FLVCR2: variants seen among roughly 807,000 people sequenced by gnomAD.
The protein encoded by FLVCR2 is choline/ethanolamine transporter FLVCR2.
A neutral mutation model predicts 48.9 loss-of-function variants in FLVCR2; 38 were observed. The ratio of observed to expected loss-of-function variants is 0.78; its 90% confidence interval spans 0.60 to 1.02. The LOEUF (loss-of-function observed/expected upper bound fraction) is 1.02. Ranked by LOEUF, FLVCR2 falls within the 50% of genes least tolerant of loss-of-function variation. FLVCR2 has a pLI of 0.00. For synonymous variants in FLVCR2, 255 were observed against 257.0 expected (o/e 0.99, Z 0.07); for missense variants, 664 against 663.3 (o/e 1.00, Z -0.01).
At chr14:75,629,449 A>G (rs1021134653) in intron 3 of FLVCR2, among the ~76,000 whole-genome samples, 6 of 152,170 alleles carry the variant, frequency 3.9e-5, no homozygotes, top group African/African-American at 1.2e-4. Context: ...TAACTTTGGC[A>G]ATGTGGGAAG....
chr14:75,622,228 C>T lies in FLVCR2; in HGVS notation c.811+8C>T, dbSNP rs1400736248. 1 of 1,613,692 alleles carries T rather than the reference C, an allele frequency of 6.2e-7. No individual in the cohort carries two copies. The highest frequency in any genetic ancestry group is 8.5e-7 in the Non-Finnish European group (1 of 1,179,648). On this transcript the variant is annotated splice_region_variant and intron_variant, in intron 2 of 9. Transcript: ENST00000238667. ...TCATCCTTGTCATCATTGGTAAGGT[C>T]ATTAGTAAACAGATGGGGTAGCAGG...
chr14:75,621,243 T>G (rs1362172343), intron 1 of FLVCR2, among the ~76,000 whole-genome samples: 1 of 151,958 alleles, frequency 6.6e-6, no homozygotes, highest in Non-Finnish European at 1.5e-5. Context: ...GAAACCCGTC[T>G]CTACTAAAAA....
chr14:75,618,278 G>A (rs1889667790), intron 1 of FLVCR2, among the ~76,000 whole-genome samples: 1 of 152,182 alleles, frequency 6.6e-6, no homozygotes, highest in African/African-American at 2.4e-5. Context: ...AGATGGGGAT[G>A]CCTGCATATG....
At position 75,579,182 on chromosome 14, in the gene FLVCR2, G is replaced by C. The variant is rs1594785648; in HGVS notation, c.210G>C (p.Ser70=). 1 of 1,614,162 alleles carries C rather than the reference G, an allele frequency of 6.2e-7. No homozygotes were observed. The highest frequency in any genetic ancestry group is 8.5e-7 in the Non-Finnish European group (1 of 1,180,044). The change falls in exon 1 of 10, where the codon TCG becomes TCC. Residue 70 remains serine, a synonymous_variant. Transcript: ENST00000238667. ...QPSGLAHPSS[S]GPEDLSVIKV... ...GTGGCTTGGCTCACCCCAGTAGCTC[G>C]GGCCCTGAGGACCTCAGCGTGATCA...
At chr14:75,585,304 A>G (rs1402664594) in intron 1 of FLVCR2, among the ~76,000 whole-genome samples, 1 of 152,120 alleles carries the variant, frequency 6.6e-6, no homozygotes, top group African/African-American at 2.4e-5. Flanking sequence ...TTTCGACAAA[A>G]ATTATCTAGA....
intron 3 of FLVCR2, among the ~76,000 whole-genome samples, chr14:75,629,480 C>T (rs1221105448): frequency 6.6e-6 from 1 of 152,078 alleles, no homozygotes. Context: ...CCAGAAATTC[C>T]ACCTGTCTGC....
chr14:75,632,331 A>G (rs576608381), intron 3 of FLVCR2, among the ~76,000 whole-genome samples: 4 of 152,318 alleles, frequency 2.6e-5, no homozygotes, highest in South Asian at 4.1e-4. Flanking sequence ...TTTAGGCAAC[A>G]TTGCTTATGA....
chr14:75,599,053 A>T (rs1169375170), intron 1 of FLVCR2, among the ~76,000 whole-genome samples: 1 of 152,202 alleles, frequency 6.6e-6, no homozygotes, highest in East Asian at 1.9e-4. Flanking sequence ...TTTCCTACAG[A>T]AATGTTAAAT....
chr14:75,630,421 G>C (rs1170977416), intron 3 of FLVCR2, among the ~76,000 whole-genome samples: 1 of 152,166 alleles, frequency 6.6e-6, no homozygotes, highest in Non-Finnish European at 1.5e-5. Context: ...GGGTTTTATT[G>C]TTGTAGTTGC....
At chr14:75,617,790 G>T (rs1395132172) in intron 1 of FLVCR2, among the ~76,000 whole-genome samples, 2 of 152,216 alleles carry the variant, frequency 1.3e-5, no homozygotes, top group Non-Finnish European at 2.9e-5. Context: ...GAAGACAGAT[G>T]TTAATTAAAT....
At position 75,580,206 on chromosome 14, in the gene FLVCR2, G is replaced by A. The variant is rs1038683982; in HGVS notation, c.669+565G>A. On this transcript the variant is annotated intron_variant, in intron 1 of 9. Transcript: ENST00000238667. ...TTAGAGCCAAGTCCAGCAGGATGGA[G>A]TAGAAATCTCACTCTGAGTTTCCAT... is the stretch of plus-strand genomic sequence containing the variant. Among the ~76,000 whole-genome samples, 4 of 152,214 alleles carry A rather than the reference G, an allele frequency of 2.6e-5. No individual in the cohort carries two copies. The South Asian group carries it at 6.2e-4, about 24-fold the overall frequency.
chr14:75,641,730 A>C (rs1240517254), intron 8 of FLVCR2, 113 bp from the exon 9 acceptor site: 2 of 972,048 alleles, frequency 2.1e-6, no homozygotes, highest in African/African-American at 1.6e-5. Context: ...TCTCTTGACT[A>C]TCTGAAGTAA....
chr14:75,632,722 G>A (rs1218871159), intron 3 of FLVCR2: 2 of 702,276 alleles, frequency 2.8e-6, no homozygotes, highest in Non-Finnish European at 2.6e-6. Context: ...TGGTAGTCTT[G>A]TGAGCCTCAA....
intron 1 of FLVCR2, among the ~76,000 whole-genome samples, chr14:75,588,637 C>T (rs1204946275): frequency 1.3e-5 from 2 of 152,176 alleles, no homozygotes; most frequent in African/African-American, 2.4e-5. Flanking sequence ...TGTCACCATG[C>T]CCAGAAAATT....
chr14:75,633,528 G>C, intron 3 of FLVCR2, 101 bp from the exon 4 acceptor site: 1 of 891,774 alleles, frequency 1.1e-6, no homozygotes, highest in Non-Finnish European at 1.9e-6. Flanking sequence ...GTGGCAGTGA[G>C]ATGAGGATTT....
intron 3 of FLVCR2, among the ~76,000 whole-genome samples, chr14:75,630,619 G>T (rs1041479899): frequency 2.0e-5 from 3 of 152,150 alleles, no homozygotes; most frequent in Admixed American, 6.5e-5. Flanking sequence ...ACTTTGGGTG[G>T]CCAAAGTGGG....
intron 9 of FLVCR2, among the ~76,000 whole-genome samples, chr14:75,643,796 A>C (rs1890354892): frequency 6.6e-6 from 1 of 152,174 alleles, no homozygotes; most frequent in African/African-American, 2.4e-5. Flanking sequence ...GATTTGGTAC[A>C]CTGGCCGGGC....
rs1311312192 is a variant in FLVCR2, at chr14:75,579,087, G to T, written c.115G>T (p.Val39Phe). The T allele has an allele frequency of 1.9e-6, 3 of 1,613,874 alleles. No homozygotes were observed. The Admixed American group carries it at 5.0e-5, about 27-fold the overall frequency. ...TCCCAGCGTCTCGGTCCATCCCAGC[G>T]TCTCCATCAACCCCAGCGTCTCTGT... The part of the protein sequence containing the change: ...VHPSVSVHPS[V>F]SINPSVSVHP... The change falls in exon 1 of 10, where the codon GTC becomes TTC. Residue 39 changes from valine (V) to phenylalanine (F), a missense_variant. Physicochemically the swap from Val to Phe is conservative, Grantham distance 50. Coordinates refer to ENST00000238667, the MANE Select transcript of FLVCR2 (RefSeq NM_017791.3).
At chr14:75,580,781 C>A (rs148916594) in intron 1 of FLVCR2, among the ~76,000 whole-genome samples, 7 of 151,850 alleles carry the variant, frequency 4.6e-5, no homozygotes, top group African/African-American at 1.2e-4. Context: ...TAGGGTGGGG[C>A]GAAACAAATC....
Sources: gnomAD v4.1 joint callset for allele counts (sites outside exome capture counted in the v4.1 genomes callset) on GRCh38, gnomAD v4.1.1 for gene constraint, MANE v1.5 for transcripts, NCBI Gene and HGNC (gene_info 2026-07-23, HGNC 2026-07-21) for gene names.